CLPTM1: variants seen among roughly 807,000 people sequenced by gnomAD.
CLPTM1 encodes the protein CLPTM1 regulator of GABA type A receptor forward trafficking.
CLPTM1 carries 21 observed loss-of-function variants against 77.3 expected under a neutral mutation model. The ratio of observed to expected loss-of-function variants is 0.27; its 90% CI spans 0.19 to 0.39. CLPTM1 has a LOEUF of 0.39. CLPTM1 is among the 10% of genes least tolerant of loss of function. The pLI is 1.00. For missense variants in CLPTM1, 642 were observed against 921.2 expected, an observed-to-expected ratio of 0.70 and a Z score of 3.92; for synonymous variants, 373 against 381.0, an observed-to-expected ratio of 0.98 and a Z score of 0.24.
intron 5 of CLPTM1, among the ~76,000 whole-genome samples, chr19:44,984,091 C>T (rs1256614585): frequency 6.6e-6 from 1 of 152,244 alleles, no homozygotes; most frequent in Non-Finnish European, 1.5e-5. Context: ...AACTGGGCCT[C>T]TGCGAGAGGA....
chr19:44,969,408 C>T (rs1040739815), intron 2 of CLPTM1, among the ~76,000 whole-genome samples: 5 of 152,088 alleles, frequency 3.3e-5, no homozygotes, highest in Admixed American at 2.0e-4. Flanking sequence ...TTAATAAGTA[C>T]TTGAATCATT....
At chr19:44,974,360 C>T in intron 3 of CLPTM1, 79 bp from the exon 4 acceptor site, 4 of 1,457,068 alleles carry the variant, frequency 2.7e-6, no homozygotes, top group Non-Finnish European at 3.8e-6. Context: ...AGTGTGCTGA[C>T]CGCTGCCATA....
intron 1 of CLPTM1, chr19:44,955,800 C>T (rs769037532): frequency 6.9e-5 from 19 of 273,530 alleles, no homozygotes; most frequent in African/African-American, 3.1e-4. Flanking sequence ...GAGGCCGTTC[C>T]TAGAGTGGTC....
Position 44,990,352 on chromosome 19 carries a change from C to G in CLPTM1, c.1133-43C>G. ...TGAGGGAGCTGCAGTAGGGTCTCAG[C>G]ACCTCCTCAGCCTCCTGGTTCCCCC... On this transcript the variant is annotated intron_variant, in intron 9 of 13. Coordinates refer to ENST00000337392, the MANE Select transcript of CLPTM1 (RefSeq NM_001294.4). The surrounding 1 kb of genome is among the most constrained non-coding windows in gnomAD (Gnocchi z 4.8). 1 of 1,596,120 alleles carries G rather than the reference C, an allele frequency of 6.3e-7. No individual in the cohort carries two copies. The highest frequency in any genetic ancestry group is 8.6e-7 in the Non-Finnish European group (1 of 1,167,518).
chr19:44,955,375 G>A, upstream of CLPTM1: 1 of 1,285,552 alleles, frequency 7.8e-7, no homozygotes, highest in Non-Finnish European at 1.0e-6. Flanking sequence ...GGCGGCGGGG[G>A]CGGGGACCCG....
intron 2 of CLPTM1, among the ~76,000 whole-genome samples, chr19:44,971,734 T>A (rs1970720961): frequency 6.6e-6 from 1 of 152,036 alleles, no homozygotes; most frequent in African/African-American, 2.4e-5. Flanking sequence ...AATTTTTATA[T>A]TTTTTGTAGA....
chr19:44,955,362 GCTGGCGGC>G, upstream of CLPTM1: 1 of 1,336,616 alleles, frequency 7.5e-7, no homozygotes, highest in African/African-American at 1.5e-5. Context: ...ACGGGGCGGG[GCTGGCGGC>G]GGGGGCGGGG....
In CLPTM1 at chr19:44,987,230, A is replaced by T; in HGVS notation, c.845A>T (p.Asn282Ile). 1 of 1,614,178 alleles carries T rather than the reference A, an allele frequency of 6.2e-7. No homozygotes were observed. Among genetic ancestry groups the T allele is most frequent in the Non-Finnish European group, 8.5e-7 (1 of 1,180,012 alleles). ...SGDYYPIIYFNDYWNLQKDYY... is the reference protein window; with the variant it reads ...SGDYYPIIYFIDYWNLQKDYY... ...GACTACTATCCCATCATCTACTTCA[A>T]TGACTACTGGAACCTGCAGAAGGAC... Residue 282 changes from asparagine to isoleucine, a missense_variant, in exon 8 of 14, where the codon AAT becomes ATT. Asn to Ile is a moderately radical substitution (Grantham distance 149). Transcript: ENST00000337392.
intron 3 of CLPTM1, 51 bp downstream of exon 3, chr19:44,973,261 G>C (rs757088460): frequency 1.2e-6 from 2 of 1,612,040 alleles, no homozygotes; most frequent in Non-Finnish European, 1.7e-6. Context: ...GTGTGGAGGG[G>C]TGGAATGTGG....
At chr19:44,978,633 T>C (rs941120973) in intron 5 of CLPTM1, among the ~76,000 whole-genome samples, 1 of 152,000 alleles carries the variant, frequency 6.6e-6, no homozygotes, top group African/African-American at 2.4e-5. Context: ...TCCACGTCTC[T>C]GAAAAAACAA....
At chr19:44,982,121 G>A (rs1970906487) in intron 5 of CLPTM1, among the ~76,000 whole-genome samples, 1 of 151,546 alleles carries the variant, frequency 6.6e-6, no homozygotes, top group African/African-American at 2.4e-5. Context: ...GGTTGAGGCA[G>A]GTGGATCACT....
chr19:44,955,006 A>G, upstream of CLPTM1: 1 of 1,535,698 alleles, frequency 6.5e-7, no homozygotes, highest in South Asian at 1.2e-5. Context: ...AAAGCTCAAG[A>G]AACATGGAAC....
rs1971066660 is a variant in CLPTM1 at position 44,991,051 on chromosome 19, T to C, written c.1419+106T>C. On this transcript the variant is annotated intron_variant, in intron 11 of 13. Transcript: ENST00000337392. This position sits in a 1 kb window ranked among gnomAD's most constrained non-coding sequence, Gnocchi z 5.4. ...TCTGCCGGACCCATGCTTTACAGCC[T>C]GTGCCACATCCTCTGTGTCCCCCAT... 3.9e-6 allele frequency: 5 copies of C among 1,297,506 alleles called. No individual in the cohort carries two copies. Among genetic ancestry groups the C allele is most frequent in the Non-Finnish European group, 5.5e-6 (5 of 915,538 alleles). The allele number at this position is 1,297,506 out of a possible 1,614,324, so 80.4% of individuals were successfully genotyped here.
chr19:44,968,972 A>G (rs1970676978), intron 2 of CLPTM1, among the ~76,000 whole-genome samples: 1 of 152,194 alleles, frequency 6.6e-6, no homozygotes, highest in South Asian at 2.1e-4. Flanking sequence ...CTACAGGCAG[A>G]GGCAAGTTCC....
intron 1 of CLPTM1, among the ~76,000 whole-genome samples, chr19:44,956,655 C>T (rs1970468439): frequency 6.6e-6 from 1 of 152,136 alleles, no homozygotes; most frequent in South Asian, 2.1e-4. Flanking sequence ...CAAGGGTTTC[C>T]CAGTCTTGCT....
At chr19:44,970,969 T>G (rs1310465213) in intron 2 of CLPTM1, among the ~76,000 whole-genome samples, 1 of 146,344 alleles carries the variant, frequency 6.8e-6, no homozygotes, top group East Asian at 1.9e-4. Context: ...TAGCTGGGAT[T>G]ACAGGCATGC....
intron 2 of CLPTM1, among the ~76,000 whole-genome samples, chr19:44,969,470 T>A (rs890493446): frequency 6.6e-6 from 1 of 152,140 alleles, no homozygotes; most frequent in Non-Finnish European, 1.5e-5. Context: ...CAGTACAGGT[T>A]CATTTCTCTC....
intron 7 of CLPTM1, 88 bp from the exon 8 acceptor site, chr19:44,987,091 C>A: frequency 6.7e-7 from 1 of 1,482,096 alleles, no homozygotes; most frequent in Non-Finnish European, 9.1e-7. Context: ...GTAGAGGGGC[C>A]CTGTTGGGTC....
In CLPTM1 at chr19:44,991,420, A is replaced by G. The variant is rs1367058062; in HGVS notation, c.1555+47A>G. On this transcript the variant is annotated intron_variant, in intron 12 of 13. Transcript: ENST00000337392. This position sits in a 1 kb window ranked among gnomAD's most constrained non-coding sequence, Gnocchi z 5.4. The stretch of plus-strand genomic sequence containing the variant: ...GGAGAGAGCAGGCCCCATGCTGCGC[A>G]GGGCTCACAGCCCCAGTGTAGGAGA... 1.9e-6 allele frequency: 3 copies of G among 1,594,508 alleles called. No homozygotes were observed. Among genetic ancestry groups the G allele is most frequent in the South Asian group, 2.2e-5 (2 of 90,738 alleles).
Sources: allele counts gnomAD v4.1 joint callset (sites outside exome capture counted in the v4.1 genomes callset), GRCh38; gene constraint gnomAD v4.1.1; non-coding constraint Gnocchi (gnomAD v3.1); transcripts MANE v1.5; gene names NCBI Gene and HGNC (gene_info 2026-07-23, HGNC 2026-07-21).